Variants in FCGR3A observed in about 807,000 individuals in gnomAD.
FCGR3A encodes the protein Fc gamma receptor IIIa, also known as low affinity immunoglobulin gamma Fc region receptor III-A.
A neutral mutation model predicts 24.1 loss-of-function variants in FCGR3A; 13 were observed. That is an observed-to-expected ratio of 0.54 (90% confidence interval 0.35 to 0.86). The LOEUF is 0.86. Ranked by LOEUF, FCGR3A falls within the 40% of genes least tolerant of loss-of-function variation. The pLI, the probability that FCGR3A is intolerant of heterozygous loss-of-function variation, is 0.01. For synonymous variants in FCGR3A, 93 were observed against 112.2 expected, an observed-to-expected ratio of 0.83 and a Z score of 1.08; for missense variants, 235 against 298.0, an observed-to-expected ratio of 0.79 and a Z score of 1.56.
rs773839536 is a variant in FCGR3A, at chr1:161,548,475, A to C, written c.265T>G (p.Cys89Gly). The change falls in exon 3 of 5, where the codon TGC (cysteine) becomes GGC (glycine). Residue 89 changes from cysteine to glycine, a missense_variant. Physicochemically the swap from Cys to Gly is radical, Grantham distance 159 (BLOSUM62 -3). Transcript: ENST00000443193. ...ATVDDSGEYRCQTNLSTLSDP... is the reference protein window; with the variant it reads ...ATVDDSGEYRGQTNLSTLSDP... ...CTGAGGGTGGAGAGGTTTGTCTGGC[A>C]CCTGTACTCTCCACTGTCGTCGACT... The C allele has an allele frequency of 6.2e-7, 1 of 1,613,970 alleles. No homozygotes were observed. Among genetic ancestry groups the C allele is most frequent in the East Asian group, 2.2e-5 (1 of 44,892 alleles).
chr1:161,548,002 C>A (rs1375069209), intron 3 of FCGR3A, among the ~76,000 whole-genome samples: 3 of 152,280 alleles, frequency 2.0e-5, no homozygotes, highest in African/African-American at 7.2e-5. Context: ...CCCAAGGGGG[C>A]AGAAGTTGCA....
intron 4 of FCGR3A, among the ~76,000 whole-genome samples, chr1:161,543,605 AC>A (rs1177954912): frequency 6.6e-6 from 1 of 151,806 alleles, no homozygotes; most frequent in African/African-American, 2.4e-5. Flanking sequence ...AAAAAAAATG[AC>A]CAGAATAGTT....
At chr1:161,549,947 G>T, upstream of FCGR3A, 2 of 1,379,934 alleles carry the variant, frequency 1.4e-6, no homozygotes, top group Non-Finnish European at 2.0e-6. Flanking sequence ...GAAGGAAAGA[G>T]CCTGGAGGCA....
rs1039025792 is a variant in FCGR3A, at chr1:161,542,635, T to A, written c.*377A>T. The A allele has an allele frequency of 5.9e-6, 1 of 168,454 alleles. No homozygotes were observed. Among genetic ancestry groups the A allele is most frequent in the East Asian group, 1.6e-4 (1 of 6,240 alleles). The allele number at this position is 168,454 out of a possible 1,614,324, so 10.4% of individuals were successfully genotyped here. ...TTCTACTTATCCATTTATTTAGGAATAATTGTTTTTTTTTCCCCTCTAAAC... is the reference window on the plus strand; with the variant it reads ...TTCTACTTATCCATTTATTTAGGAAAAATTGTTTTTTTTTCCCCTCTAAAC... On this transcript the variant is annotated 3_prime_UTR_variant, in exon 5 of 5. Coordinates refer to ENST00000443193, the MANE Select transcript of FCGR3A (RefSeq NM_000569.8).
upstream of FCGR3A, chr1:161,549,847 C>G: frequency 3.1e-6 from 5 of 1,612,098 alleles, no homozygotes; most frequent in Non-Finnish European, 4.2e-6. Context: ...CCACCCATCT[C>G]TGTCACCCAC....
upstream of FCGR3A, chr1:161,550,119 T>G (rs1476931580): frequency 5.6e-6 from 3 of 531,476 alleles, no homozygotes; most frequent in Non-Finnish European, 9.9e-6. Flanking sequence ...AGTGAGACCC[T>G]GGGGATGAGA....
Position 161,541,863 on chromosome 1 carries a change from A to G in FCGR3A, c.*1149T>C, listed in dbSNP as rs1375909750. 1 of 152,272 alleles carries G rather than the reference A, an allele frequency of 6.6e-6. No individual in the cohort carries two copies. Among genetic ancestry groups the G allele is most frequent in the Non-Finnish European group, 1.5e-5 (1 of 68,012 alleles). 9.4% of individuals were successfully genotyped at this position (152,272 alleles called of 1,614,324 possible). ...ATTGGAACCAAGAAATGTTGCGCTT[A>G]AAGCTTACAAAACAGAGACAGCTAA... On this transcript the variant is annotated 3_prime_UTR_variant, in exon 5 of 5. Transcript: ENST00000443193.
rs1241875518 is a variant in FCGR3A, at chr1:161,548,437, C to A, written c.303G>T (p.Gln101His). 2 of 1,613,918 alleles carry A rather than the reference C, an allele frequency of 1.2e-6. No individual in the cohort carries two copies. Among genetic ancestry groups the A allele is most frequent in the Non-Finnish European group, 1.7e-6 (2 of 1,179,878 alleles). The change falls in exon 3 of 5, where the codon CAG (glutamine) becomes CAT (histidine). Residue 101 changes from glutamine to histidine, a missense_variant. Physicochemically the swap from Gln to His is conservative, Grantham distance 24. Transcript: ENST00000443193. ...TNLSTLSDPV[Q>H]LEVHIGWLLL... ...TCAACTCACCGATATGGACTTCTAG[C>A]TGCACCGGGTCACTGAGGGTGGAGA...
Position 161,544,871 on chromosome 1 carries a change from A to C in FCGR3A, c.407T>G (p.Leu136Arg). Reference sequence around the variant, plus strand: ...ATTCTGTAAATATGTGACCTTATGCAGAGCAGTGTTCTTCCAGCTGTGACA... The same window carrying C: ...ATTCTGTAAATATGTGACCTTATGCCGAGCAGTGTTCTTCCAGCTGTGACA... ...LRCHSWKNTA[L>R]HKVTYLQNGK... Residue 136 changes from leucine (L) to arginine (R), a missense_variant, in exon 4 of 5, where the codon CTG (leucine) becomes CGG (arginine). Coordinates refer to ENST00000443193, the MANE Select transcript of FCGR3A (RefSeq NM_000569.8). The C allele has an allele frequency of 6.2e-7, 1 of 1,613,870 alleles. No homozygotes were observed. The highest frequency in any genetic ancestry group is 2.2e-5 in the East Asian group (1 of 44,888).
rs1341699895 is a variant in FCGR3A at position 161,544,914 on chromosome 1, C to T, written c.364G>A (p.Asp122Asn). 6.2e-7 allele frequency: 1 copy of T among 1,612,804 alleles called. No homozygotes were observed. The highest frequency in any genetic ancestry group is 1.3e-5 in the African/African-American group (1 of 74,802). The change falls in exon 4 of 5, where the codon GAC becomes AAC. Residue 122 changes from aspartate to asparagine, a missense_variant. Physicochemically the swap from Asp to Asn is conservative, Grantham distance 23. Coordinates refer to ENST00000443193, the MANE Select transcript of FCGR3A (RefSeq NM_000569.8). Reference protein sequence around the residue: ...QAPRWVFKEEDPIHLRCHSWK... With the variant: ...QAPRWVFKEENPIHLRCHSWK... ...CTGTGACACCTCAGGTGAATAGGGT[C>T]TTCCTCCTTGAACACCCACCGAGGG...
In FCGR3A at chr1:161,544,992, C is replaced by G. The variant is rs562831121; in HGVS notation, c.320-34G>C. 3.1e-6 allele frequency: 5 copies of G among 1,597,858 alleles called. No individual in the cohort carries two copies. In the African/African-American group the frequency reaches 5.3e-5, roughly 17 times the overall value. On this transcript the variant is annotated intron_variant, in intron 3 of 4. Coordinates refer to ENST00000443193, the MANE Select transcript of FCGR3A (RefSeq NM_000569.8). ...CACAGACACCCCAGGCCCGGGAGGC[C>G]TCAGCTCTCAGTGCAGAGCTTTGTG... is the stretch of plus-strand genomic sequence containing the variant.
rs752324060 is a variant in FCGR3A, at chr1:161,546,127, A to G, written c.320-1169T>C. Reference sequence around the variant, plus strand: ...AAAATCTACTACCTGATGCTAAACAAAATTGGTAGGACGTGTGTTGGTCAT... The same window carrying G: ...AAAATCTACTACCTGATGCTAAACAGAATTGGTAGGACGTGTGTTGGTCAT... On this transcript the variant is annotated intron_variant, in intron 3 of 4. Coordinates refer to ENST00000443193, the MANE Select transcript of FCGR3A (RefSeq NM_000569.8). Among the ~76,000 whole-genome samples the G allele has an allele frequency of 4.3e-4, 65 of 152,098 alleles. 1 individual carries two copies. Among genetic ancestry groups the G allele is most frequent in the Non-Finnish European group, 7.5e-4 (51 of 67,990 alleles).
At chr1:161,550,090 C>G, upstream of FCGR3A, 1 of 577,440 alleles carries the variant, frequency 1.7e-6, no homozygotes, top group Non-Finnish European at 3.1e-6. Context: ...TTGGATCCAC[C>G]CAGCACCAAG....
At chr1:161,548,177 A>T (rs977089606) in intron 3 of FCGR3A, among the ~76,000 whole-genome samples, 2 of 152,428 alleles carry the variant, frequency 1.3e-5, no homozygotes, top group African/African-American at 4.8e-5. Flanking sequence ...TATGCACTCC[A>T]TATGGGGATT....
At chr1:161,549,427 T>C (rs1028200234) in intron 1 of FCGR3A, among the ~76,000 whole-genome samples, 6 of 152,004 alleles carry the variant, frequency 3.9e-5, no homozygotes, top group Admixed American at 1.3e-4. Context: ...CTAGGGACCA[T>C]CTAGTCGAAG....
At chr1:161,544,987 G>A (rs546138326) in intron 3 of FCGR3A, 29 bp from the exon 4 acceptor site, 1 of 1,597,436 alleles carries the variant, frequency 6.3e-7, no homozygotes, top group East Asian at 2.2e-5. Flanking sequence ...CCAGGCCCGG[G>A]AGGCCTCAGC....
rs777192200 is a variant in FCGR3A, at chr1:161,549,813, G to A, written c.-77C>T. On this transcript the variant is annotated 5_prime_UTR_variant, in exon 1 of 5. Transcript: ENST00000443193. ...GACCAAACCGACTAGACAGGAGGAA[G>A]TAAACAGCCTTTCCCCAGCCCCTCC... The A allele has an allele frequency of 6.2e-7, 1 of 1,613,834 alleles. No homozygotes were observed.
At chr1:161,546,791 G>C (rs1379322128) in intron 3 of FCGR3A, among the ~76,000 whole-genome samples, 1 of 151,980 alleles carries the variant, frequency 6.6e-6, no homozygotes, top group Non-Finnish European at 1.5e-5. Flanking sequence ...TGTAGTCCCA[G>C]CTACTTGGGA....
intron 2 of FCGR3A, 33 bp downstream of exon 2, chr1:161,548,978 C>G (rs376547571): frequency 7.5e-6 from 12 of 1,598,602 alleles, no homozygotes; most frequent in Non-Finnish European, 1.0e-5. Context: ...ATGTGCCCCA[C>G]TGGGTCAATC....
Sources: gnomAD v4.1 joint callset for allele counts (sites outside exome capture counted in the v4.1 genomes callset) on GRCh38, gnomAD v4.1.1 for gene constraint, MANE v1.5 for transcripts, NCBI Gene and HGNC (gene_info 2026-07-23, HGNC 2026-07-21) for gene names.